Variants in FAAP100 observed in about 807,000 individuals in gnomAD.
The protein encoded by FAAP100 is Fanconi anemia core complex-associated protein 100.
Under a neutral mutation model 65.8 loss-of-function variants are expected in FAAP100, and 46 were observed. The ratio of observed to expected loss-of-function variants is 0.70; its 90% confidence interval spans 0.55 to 0.89. The LOEUF (loss-of-function observed/expected upper bound fraction) is 0.89, where lower values mean the gene tolerates loss of function less well. FAAP100 is among the 40% of genes least tolerant of loss of function. The probability of loss-of-function intolerance (pLI) is 0.00; values close to 1 mark genes in which losing one functional copy is unlikely to be tolerated. For missense variants in FAAP100, 1,165 were observed against 1,196.7 expected, an observed-to-expected ratio of 0.97 and a Z score of 0.39; for synonymous variants, 663 against 555.1, an observed-to-expected ratio of 1.19 and a Z score of -2.73.
At chr17:81,546,640 C>G in intron 5 of FAAP100, 1 of 377,144 alleles carries the variant, frequency 2.7e-6, no homozygotes, top group Non-Finnish European at 4.7e-6. Context: ...GCTCGCTGGG[C>G]TGGGGGGCCA....
At chr17:81,545,145 G>A (rs959522106) in intron 6 of FAAP100, among the ~76,000 whole-genome samples, 5 of 152,196 alleles carry the variant, frequency 3.3e-5, no homozygotes, top group Middle Eastern at 3.2e-3. Flanking sequence ...ACTCCAGCCT[G>A]GAGACAGAGC....
In FAAP100 at chr17:81,550,978, C is replaced by T; in HGVS notation, c.516G>A (p.Glu172=). 1.2e-6 allele frequency: 2 copies of T among 1,612,026 alleles called. No homozygotes were observed. The highest frequency in any genetic ancestry group is 1.7e-6 in the Non-Finnish European group (2 of 1,179,562). Reference sequence around the variant, plus strand: ...GGGGCGTGTAGGAGGACAGCTCCACCTCACCGATCTGGCCTCCTGGCCGGG... The same window carrying T: ...GGGGCGTGTAGGAGGACAGCTCCACTTCACCGATCTGGCCTCCTGGCCGGG... The part of the protein sequence containing the change: ...EDPRPGGQIG[E]VELSSYTPPA... The change falls in exon 3 of 9, where the codon GAG becomes GAA. Residue 172 remains glutamate, a synonymous_variant. Coordinates refer to ENST00000327787, the MANE Select transcript of FAAP100 (RefSeq NM_025161.6).
At chr17:81,543,677 G>A (rs1162412504) in intron 7 of FAAP100, among the ~76,000 whole-genome samples, 3 of 152,178 alleles carry the variant, frequency 2.0e-5, no homozygotes, top group Non-Finnish European at 4.4e-5. Flanking sequence ...GCCAGAGAAG[G>A]GAGGAAACCT....
chr17:81,549,375 A>G lies in FAAP100; in HGVS notation c.1247-13T>C, dbSNP rs981026121. 2 of 1,600,278 alleles carry G rather than the reference A, an allele frequency of 1.2e-6. No individual in the cohort carries two copies. Among genetic ancestry groups the G allele is most frequent in the Non-Finnish European group, 8.5e-7 (1 of 1,173,280 alleles). ...AGCTTGGTGCCACCTGGTGACAGAC[A>G]CACATGGGGCCTGGTCAGCGGCTGG... On this transcript the variant is annotated splice_polypyrimidine_tract_variant and intron_variant, in intron 3 of 8. Coordinates refer to ENST00000327787, the MANE Select transcript of FAAP100 (RefSeq NM_025161.6).
chr17:81,548,041 G>A (rs768997988), intron 4 of FAAP100: 7 of 686,558 alleles, frequency 1.0e-5, no homozygotes, highest in Middle Eastern at 2.7e-4. Flanking sequence ...CCCCACCCTT[G>A]GCTCCCCAGA....
intron 6 of FAAP100, 33 bp downstream of exon 6, chr17:81,545,713 T>C: frequency 1.3e-6 from 2 of 1,591,818 alleles, no homozygotes; most frequent in East Asian, 2.3e-5. Flanking sequence ...GAACTGCTGG[T>C]GCCGTGGCTC....
chr17:81,553,061 G>A (rs1381878373), upstream of FAAP100: 1 of 155,220 alleles, frequency 6.4e-6, no homozygotes, highest in Admixed American at 6.4e-5. Context: ...TCCTCCAGGA[G>A]AGAAGTACTG....
chr17:81,544,213 C>G, intron 6 of FAAP100, 93 bp from the exon 7 acceptor site: 1 of 1,031,842 alleles, frequency 9.7e-7, no homozygotes, highest in Non-Finnish European at 1.5e-6. Context: ...GCTGGCAGCA[C>G]GTGAGGCCCT....
chr17:81,540,061 T>G lies in FAAP100; in HGVS notation c.*758A>C. ...CAGGCTGAGGGAGGAGGCTGGGGGC[T>G]GGGGCTCAGGGCCCCCCCCCGGGCC... On this transcript the variant is annotated 3_prime_UTR_variant, in exon 9 of 9. Coordinates refer to ENST00000327787, the MANE Select transcript of FAAP100 (RefSeq NM_025161.6). 1 of 372,464 alleles carries G rather than the reference T, an allele frequency of 2.7e-6. No individual in the cohort carries two copies. The highest frequency in any genetic ancestry group is 3.7e-5 in the East Asian group (1 of 26,978). The allele number at this position is 372,464 out of a possible 1,614,324, so 23.1% of individuals were successfully genotyped here.
rs766831377 is a variant in FAAP100 at position 81,547,529 on chromosome 17, T to C, written c.1553A>G (p.Gln518Arg). The change falls in exon 5 of 9, where the codon CAG becomes CGG. Residue 518 changes from glutamine to arginine, a missense_variant. Transcript: ENST00000327787. ...CTTSTTWSRL[Q>R]TQDVLMATCV... is the part of the protein sequence containing the mutation. Reference sequence around the variant, plus strand: ...GGTGGCCATGAGCACATCCTGTGTCTGCAGGCGGCTCCAGGTGGTGCTGGT... The same window carrying C: ...GGTGGCCATGAGCACATCCTGTGTCCGCAGGCGGCTCCAGGTGGTGCTGGT... 10 of 1,613,370 alleles carry C rather than the reference T, an allele frequency of 6.2e-6. No individual in the cohort carries two copies. Among genetic ancestry groups the C allele is most frequent in the Non-Finnish European group, 8.5e-6 (10 of 1,180,012 alleles).
Position 81,544,047 on chromosome 17 carries a change from G to C in FAAP100, c.2384C>G (p.Ala795Gly), listed in dbSNP as rs373295661. Reference sequence around the variant, plus strand: ...GGCATGGTGCGCCCTGCAAATGTCGGCCAGAGAGGAGCTTTCCACTTGAAT... The same window carrying C: ...GGCATGGTGCGCCCTGCAAATGTCGCCCAGAGAGGAGCTTTCCACTTGAAT... The part of the protein sequence containing the change: ...VEIQVESSSL[A>G]DICRAHHAVV... The change falls in exon 7 of 9, where the codon GCC (alanine) becomes GGC (glycine). Residue 795 changes from alanine to glycine, a missense_variant. Transcript: ENST00000327787. 1.3e-4 allele frequency: 211 copies of C among 1,612,604 alleles called. No homozygotes were observed. Among genetic ancestry groups the C allele is most frequent in the Non-Finnish European group, 1.7e-4 (205 of 1,179,848 alleles).
chr17:81,550,190 G>T lies in FAAP100; in HGVS notation c.1246+58C>A, dbSNP rs1038600120. The T allele has an allele frequency of 1.0e-5, 15 of 1,473,430 alleles. No homozygotes were observed. The South Asian group carries it at 1.8e-4, about 18-fold the overall frequency. 91.3% of individuals were successfully genotyped at this position (1,473,430 alleles called of 1,614,324 possible). A position where few individuals can be genotyped will look rare whatever the true frequency, so the allele number is the denominator to read the frequency against. On this transcript the variant is annotated intron_variant, in intron 3 of 8. Coordinates refer to ENST00000327787, the MANE Select transcript of FAAP100 (RefSeq NM_025161.6). Reference sequence around the variant, plus strand: ...GAAGGCGGCCTGATAGTAGCAGACAGCCAAAAAGGGTGCTCCACCCTGGGC... The same window carrying T: ...GAAGGCGGCCTGATAGTAGCAGACATCCAAAAAGGGTGCTCCACCCTGGGC...
At chr17:81,547,711 G>A in intron 4 of FAAP100, 33 bp from the exon 5 acceptor site, 1 of 1,601,710 alleles carries the variant, frequency 6.2e-7, no homozygotes, top group Non-Finnish European at 8.5e-7. Flanking sequence ...CCGGGAGCGG[G>A]GGGACACCCA....
Position 81,550,641 on chromosome 17 carries a change from T to A in FAAP100, c.853A>T (p.Ile285Leu). 1 of 1,613,006 alleles carries A rather than the reference T, an allele frequency of 6.2e-7. No homozygotes were observed. The highest frequency in any genetic ancestry group is 8.5e-7 in the Non-Finnish European group (1 of 1,180,000). ...TGTGGCTCTGTCTTCAAGGCCCCTA[T>A]GAAGATGACGGGCTCCTCCAGGTGA... ...LHHLEEPVIF[I>L]GALKTEPQAA... The change falls in exon 3 of 9, where the codon ATA becomes TTA. Residue 285 changes from isoleucine (I) to leucine (L), a missense_variant. Coordinates refer to ENST00000327787, the MANE Select transcript of FAAP100 (RefSeq NM_025161.6).
chr17:81,542,783 A>G (rs2033163096), intron 7 of FAAP100, among the ~76,000 whole-genome samples: 1 of 152,240 alleles, frequency 6.6e-6, no homozygotes, highest in Non-Finnish European at 1.5e-5. Context: ...CTGACCCCAC[A>G]CGACTGTGTC....
rs768961461 is a variant in FAAP100 at position 81,540,920 on chromosome 17, C to T, written c.2545G>A (p.Asp849Asn). 28 of 1,592,114 alleles carry T rather than the reference C, an allele frequency of 1.8e-5. 1 individual carries two copies. The South Asian group carries it at 2.0e-4, about 12-fold the overall frequency. ...TLLREVQTLR[D>N]RLCTEDEASS... is the part of the protein sequence containing the mutation. Reference sequence around the variant, plus strand: ...GCCTCATCCTCCGTGCAGAGCCGGTCGCGCAGGGTCTGCACCTCCCGCAGC... The same window carrying T: ...GCCTCATCCTCCGTGCAGAGCCGGTTGCGCAGGGTCTGCACCTCCCGCAGC... The change falls in exon 9 of 9, where the codon GAC becomes AAC. Residue 849 changes from aspartate (D) to asparagine (N), a missense_variant. Transcript: ENST00000327787.
chr17:81,540,364 G>A lies in FAAP100; in HGVS notation c.*455C>T. On this transcript the variant is annotated 3_prime_UTR_variant, in exon 9 of 9. Coordinates refer to ENST00000327787, the MANE Select transcript of FAAP100 (RefSeq NM_025161.6). ...GGGCACCTGGTAGTGCCACCCAGAGGGGCAGCCGGTGCTCCTGGTGGTGTG... is the reference window on the plus strand; with the variant it reads ...GGGCACCTGGTAGTGCCACCCAGAGAGGCAGCCGGTGCTCCTGGTGGTGTG... 2.5e-6 allele frequency: 1 copy of A among 401,504 alleles called. No homozygotes were observed. The highest frequency in any genetic ancestry group is 4.4e-6 in the Non-Finnish European group (1 of 227,784). 24.9% of individuals were successfully genotyped at this position (401,504 alleles called of 1,614,324 possible). A position where few individuals can be genotyped will look rare whatever the true frequency, so the allele number is the denominator to read the frequency against.
intron 3 of FAAP100, among the ~76,000 whole-genome samples, chr17:81,549,718 G>C (rs1046833413): frequency 1.3e-5 from 2 of 152,212 alleles, no homozygotes; most frequent in African/African-American, 4.8e-5. Context: ...GGAGGTGTGT[G>C]GCTCTATTCC....
Position 81,547,682 on chromosome 17 carries a change from C to T in FAAP100, c.1404-4G>A, listed in dbSNP as rs376849624. ...CGCCTTCTTTAGAAAAGACACTCTG[C>T]GAAGGACAGACATGACCCCCGGGAG... On this transcript the variant is annotated splice_region_variant and splice_polypyrimidine_tract_variant and intron_variant, in intron 4 of 8. Transcript: ENST00000327787. The T allele has an allele frequency of 1.1e-5, 17 of 1,608,750 alleles. No individual in the cohort carries two copies. The highest frequency in any genetic ancestry group is 8.0e-5 in the African/African-American group (6 of 74,890).
Sources: gnomAD v4.1 joint callset for allele counts (sites outside exome capture counted in the v4.1 genomes callset) on GRCh38, gnomAD v4.1.1 for gene constraint, MANE v1.5 for transcripts, NCBI Gene and HGNC (gene_info 2026-07-23, HGNC 2026-07-21) for gene names.